The following VSTM2L variants were observed in gnomAD, a reference collection of about 807,000 sequenced individuals.
VSTM2L encodes the protein V-set and transmembrane domain-containing protein 2-like protein.
A neutral mutation model predicts 19.9 loss-of-function variants in VSTM2L; 9 were observed. The ratio of observed to expected loss-of-function variants is 0.45; its 90% CI spans 0.27 to 0.79. The LOEUF is 0.79. Among genes scored for constraint, VSTM2L ranks in the 30% least tolerant of loss-of-function variants. The pLI is 0.15. For synonymous variants in VSTM2L, 127 were observed against 133.8 expected (o/e 0.95, Z 0.35); for missense variants, 286 against 295.5 (o/e 0.97, Z 0.24).
At chr20:37,908,261 G>A (rs1568833248) in intron 1 of VSTM2L, among the ~76,000 whole-genome samples, 1 of 152,206 alleles carries the variant, frequency 6.6e-6, no homozygotes, top group Non-Finnish European at 1.5e-5. Context: ...TGACAGCAAG[G>A]ATGGTGGGCA....
At chr20:37,939,368 T>C (rs2072958626) in intron 3 of VSTM2L, among the ~76,000 whole-genome samples, 1 of 151,782 alleles carries the variant, frequency 6.6e-6, no homozygotes, top group Non-Finnish European at 1.5e-5. Context: ...CAGTGAGCCA[T>C]GATCACGCCA....
At chr20:37,915,245 A>G (rs2072811461) in intron 1 of VSTM2L, among the ~76,000 whole-genome samples, 1 of 152,048 alleles carries the variant, frequency 6.6e-6, no homozygotes, top group African/African-American at 2.4e-5. Context: ...TGGCCCTCAG[A>G]CACCCTCCAG....
intron 1 of VSTM2L, among the ~76,000 whole-genome samples, chr20:37,911,164 G>C (rs540352353): frequency 6.7e-6 from 1 of 149,898 alleles, no homozygotes; most frequent in African/African-American, 2.5e-5. Context: ...CCAGCTACTC[G>C]GGAGGCTGAG....
rs201865795 is a variant in VSTM2L, at chr20:37,933,547, A to T, written c.300A>T (p.Ala100=). 2 of 1,613,042 alleles carry T rather than the reference A, an allele frequency of 1.2e-6. No individual in the cohort carries two copies. Among genetic ancestry groups the T allele is most frequent in the Non-Finnish European group, 1.7e-6 (2 of 1,179,840 alleles). The change falls in exon 3 of 4, where the codon GCA becomes GCT. Residue 100 remains alanine, a synonymous_variant. Coordinates refer to ENST00000373461, the MANE Select transcript of VSTM2L (RefSeq NM_080607.3). The part of the protein sequence containing the change: ...KQAWASNQLK[A]SQQEDAGKEA... ...CTCCCCGATCCCAACAGCTAAAAGC[A>T]TCTCAGCAGGAAGACGCAGGGAAGG... is the stretch of plus-strand genomic sequence containing the variant.
Position 37,940,051 on chromosome 20 carries a change from GGTGCTCCCTCCCTAGGAGCGA to G in VSTM2L, c.343-3921_343-3901del, listed in dbSNP as rs575506493. Among the ~76,000 whole-genome samples the G allele has an allele frequency of 2.6e-3, 394 of 152,282 alleles. 2 individuals carry two copies. Among genetic ancestry groups the G allele is most frequent in the African/African-American group, 8.9e-3 (372 of 41,566 alleles). ...GTGGGCCGAGGGCTGGGCCTCGCTT[GGTGCTCCCTCCCTAGGAGCGA>G]GTGCTCCCAGCACTTTGGATTATTA... On this transcript the variant is annotated intron_variant, in intron 3 of 3. Coordinates refer to ENST00000373461, the MANE Select transcript of VSTM2L (RefSeq NM_080607.3).
chr20:37,944,156 T>A lies in VSTM2L; in HGVS notation c.518T>A (p.Leu173Gln). 6.3e-7 allele frequency: 1 copy of A among 1,589,354 alleles called. No individual in the cohort carries two copies. The highest frequency in any genetic ancestry group is 8.6e-7 in the Non-Finnish European group (1 of 1,167,280). The change falls in exon 4 of 4, where the codon CTG becomes CAG. Residue 173 changes from leucine to glutamine, a missense_variant. Leu to Gln is a moderately radical substitution (Grantham distance 113). Transcript: ENST00000373461. Reference sequence around the variant, plus strand: ...CCAGGGGAGAACTCCGTCCTGCATCTGCCCGAAGCCCCTCCCGCCGCGCCC... The same window carrying A: ...CCAGGGGAGAACTCCGTCCTGCATCAGCCCGAAGCCCCTCCCGCCGCGCCC... The part of the protein sequence containing the change: ...VQPGENSVLH[L>Q]PEAPPAAPAP...
At chr20:37,938,751 G>A (rs1028240199) in intron 3 of VSTM2L, among the ~76,000 whole-genome samples, 5 of 152,336 alleles carry the variant, frequency 3.3e-5, no homozygotes, top group East Asian at 1.9e-4. Context: ...GTCGCCATGC[G>A]GGGGTCCCTT....
At chr20:37,915,228 C>A (rs369211591) in intron 1 of VSTM2L, among the ~76,000 whole-genome samples, 1 of 152,198 alleles carries the variant, frequency 6.6e-6, no homozygotes. Flanking sequence ...ACCAGCTCCT[C>A]TCTCCATGGC....
chr20:37,912,849 T>C (rs1394313467), intron 1 of VSTM2L, among the ~76,000 whole-genome samples: 1 of 152,150 alleles, frequency 6.6e-6, no homozygotes, highest in African/African-American at 2.4e-5. Flanking sequence ...TGGGTCTCTC[T>C]CTTTCTCTCT....
In VSTM2L at chr20:37,903,228, G is replaced by C; in HGVS notation, c.-123G>C. On this transcript the variant is annotated 5_prime_UTR_variant, in exon 1 of 4. Transcript: ENST00000373461. Reference sequence around the variant, plus strand: ...AGCTGGGCCGGGTCCGGGGACAGCGGGCGAGGGGCAGCTGCCGGAGCCGGG... The same window carrying C: ...AGCTGGGCCGGGTCCGGGGACAGCGCGCGAGGGGCAGCTGCCGGAGCCGGG... 8.4e-7 allele frequency: 1 copy of C among 1,190,010 alleles called. No individual in the cohort carries two copies. Among genetic ancestry groups the C allele is most frequent in the East Asian group, 3.4e-5 (1 of 29,006 alleles). 73.7% of individuals were successfully genotyped at this position (1,190,010 alleles called of 1,614,324 possible).
intron 1 of VSTM2L, among the ~76,000 whole-genome samples, chr20:37,914,115 G>T (rs1275115785): frequency 1.3e-5 from 2 of 151,616 alleles, no homozygotes; most frequent in African/African-American, 2.4e-5. Flanking sequence ...AGAGGGAATT[G>T]TGTGTGTGTG....
chr20:37,923,221 A>T (rs2072861969), intron 1 of VSTM2L, among the ~76,000 whole-genome samples: 1 of 152,290 alleles, frequency 6.6e-6, no homozygotes, highest in South Asian at 2.1e-4. Flanking sequence ...GCAAAACTCT[A>T]AGAGGTTCAT....
At chr20:37,929,422 C>A (rs1006444228) in intron 1 of VSTM2L, among the ~76,000 whole-genome samples, 1 of 152,104 alleles carries the variant, frequency 6.6e-6, no homozygotes, top group Non-Finnish European at 1.5e-5. Context: ...CTTGCTGCAG[C>A]CTTGACCTCC....
At chr20:37,908,277 G>A (rs945317939) in intron 1 of VSTM2L, among the ~76,000 whole-genome samples, 3 of 152,214 alleles carry the variant, frequency 2.0e-5, no homozygotes, top group East Asian at 1.9e-4. Flanking sequence ...GGGCAAAGTC[G>A]CCTGCGGCAA....
At position 37,944,399 on chromosome 20, in the gene VSTM2L, C is replaced by T; in HGVS notation, c.*146C>T. The T allele has an allele frequency of 7.8e-7, 1 of 1,281,784 alleles. No individual in the cohort carries two copies. The highest frequency in any genetic ancestry group is 1.0e-6 in the Non-Finnish European group (1 of 986,390). The allele number at this position is 1,281,784 out of a possible 1,614,324, so 79.4% of individuals were successfully genotyped here. A position where few individuals can be genotyped will look rare whatever the true frequency, so the allele number is the denominator to read the frequency against. ...GCCACCATGTCGGCCCTCTTTCCAC[C>T]ACCCCTTGCTCAGCATGTAAGCCCC... On this transcript the variant is annotated 3_prime_UTR_variant, in exon 4 of 4. Coordinates refer to ENST00000373461, the MANE Select transcript of VSTM2L (RefSeq NM_080607.3).
chr20:37,918,808 T>C (rs2072834349), intron 1 of VSTM2L, among the ~76,000 whole-genome samples: 1 of 152,136 alleles, frequency 6.6e-6, no homozygotes. Flanking sequence ...CCCCTTCTCC[T>C]GGTAACCTCC....
At chr20:37,936,878 G>A (rs1268041204) in intron 3 of VSTM2L, among the ~76,000 whole-genome samples, 5 of 151,978 alleles carry the variant, frequency 3.3e-5, no homozygotes, top group South Asian at 2.1e-4. Context: ...TTTGTGACTC[G>A]TAAAACTCCT....
chr20:37,915,661 T>G (rs1334155523), intron 1 of VSTM2L, among the ~76,000 whole-genome samples: 1 of 152,040 alleles, frequency 6.6e-6, no homozygotes, highest in Non-Finnish European at 1.5e-5. Flanking sequence ...CAGGTCAGCC[T>G]GACTCCGGAG....
In VSTM2L at chr20:37,944,375, C is replaced by T. The variant is rs2072995511; in HGVS notation, c.*122C>T. ...GCCCCATCCCCGAGGCCGCCTGTGG[C>T]CACCATGTCGGCCCTCTTTCCACCA... On this transcript the variant is annotated 3_prime_UTR_variant, in exon 4 of 4. Transcript: ENST00000373461. 3 of 1,286,910 alleles carry T rather than the reference C, an allele frequency of 2.3e-6. No homozygotes were observed. Among genetic ancestry groups the T allele is most frequent in the South Asian group, 3.9e-5 (2 of 51,178 alleles). 79.7% of individuals were successfully genotyped at this position (1,286,910 alleles called of 1,614,324 possible).
Sources: allele counts gnomAD v4.1 joint callset (sites outside exome capture counted in the v4.1 genomes callset), GRCh38; gene constraint gnomAD v4.1.1; transcripts MANE v1.5; gene names NCBI Gene and HGNC (gene_info 2026-07-23, HGNC 2026-07-21).